SVOP: variants seen among roughly 807,000 people sequenced by gnomAD.
SVOP encodes the protein synaptic vesicle 2-related protein.
SVOP carries 17 observed loss-of-function variants against 69.1 expected under a neutral mutation model. The observed-to-expected ratio is 0.25, with a 90% CI of 0.17 to 0.37. SVOP has a LOEUF of 0.37. SVOP is among the 10% of genes least tolerant of loss of function. SVOP has a pLI of 1.00. For missense variants in SVOP, 435 were observed against 597.5 expected (o/e 0.73, Z 2.84); for synonymous variants, 238 against 238.6 (o/e 1.00, Z 0.02).
chr12:109,018,563 C>T (rs1414809592), intron 1 of SVOP, among the ~76,000 whole-genome samples: 2 of 152,288 alleles, frequency 1.3e-5, no homozygotes, highest in East Asian at 3.9e-4. Context: ...AATCTGCTGC[C>T]TGCAATCTGT....
chr12:108,930,687 G>A (rs2039812022), intron 11 of SVOP, among the ~76,000 whole-genome samples: 2 of 152,114 alleles, frequency 1.3e-5, no homozygotes, highest in African/African-American at 2.4e-5. Context: ...CTCCCACCTC[G>A]GCTCCCAAAG....
At position 108,938,977 on chromosome 12, in the gene SVOP, A is replaced by T. The variant is rs772830213; in HGVS notation, c.769-22T>A. ...GCCACTGGGATGGGGGAGACAGGAA[A>T]CCCAGGCGTGGCTGGTTAGGGTGGA... On this transcript the variant is annotated intron_variant, in intron 8 of 15. Coordinates refer to ENST00000610966, the MANE Select transcript of SVOP (RefSeq NM_018711.5). 37 of 1,613,536 alleles carry T rather than the reference A, an allele frequency of 2.3e-5. No homozygotes were observed. In the Middle Eastern group the frequency reaches 1.2e-3, roughly 50 times the overall value.
At chr12:108,989,004 C>T (rs2040183151) in intron 1 of SVOP, among the ~76,000 whole-genome samples, 1 of 151,984 alleles carries the variant, frequency 6.6e-6, no homozygotes, top group Non-Finnish European at 1.5e-5. Context: ...AACTCCTGAC[C>T]TCAAGTGATC....
At chr12:108,993,337 A>G (rs2040213557) in intron 1 of SVOP, among the ~76,000 whole-genome samples, 1 of 150,052 alleles carries the variant, frequency 6.7e-6, no homozygotes, top group African/African-American at 2.4e-5. Flanking sequence ...GGGAAAAAAA[A>G]GGTTAAAATG....
intron 1 of SVOP, among the ~76,000 whole-genome samples, chr12:109,010,500 G>T (rs1304159802): frequency 6.6e-6 from 1 of 152,112 alleles, no homozygotes; most frequent in African/African-American, 2.4e-5. Context: ...TTGGCCTCCA[G>T]ACTATTGTGG....
intron 6 of SVOP, among the ~76,000 whole-genome samples, chr12:108,946,573 C>T (rs939046643): frequency 6.6e-6 from 1 of 151,814 alleles, no homozygotes; most frequent in Non-Finnish European, 1.5e-5. Flanking sequence ...TATTTTGATG[C>T]TTAGAAGAGC....
In SVOP at chr12:108,937,414, G is replaced by C; in HGVS notation, c.898-77C>G. On this transcript the variant is annotated intron_variant, in intron 9 of 15. Coordinates refer to ENST00000610966, the MANE Select transcript of SVOP (RefSeq NM_018711.5). ...GAGATGGGCTGGTGGCCTGAGACTA[G>C]TGCACACCAGGCTGGGAGGAAGGTT... The C allele has an allele frequency of 2.2e-6, 3 of 1,364,132 alleles. No homozygotes were observed. The South Asian group carries it at 3.5e-5, about 16-fold the overall frequency. The allele number at this position is 1,364,132 out of a possible 1,614,324, so 84.5% of individuals were successfully genotyped here.
intron 1 of SVOP, among the ~76,000 whole-genome samples, chr12:108,996,608 C>T (rs1166926624): frequency 2.6e-5 from 4 of 151,512 alleles, no homozygotes; most frequent in African/African-American, 4.9e-5. Context: ...AACCAGAGGC[C>T]CCAGCAATCC....
chr12:108,976,060 G>T (rs1371754228), intron 4 of SVOP, among the ~76,000 whole-genome samples: 1 of 152,186 alleles, frequency 6.6e-6, no homozygotes, highest in South Asian at 2.1e-4. Flanking sequence ...AAGTATCATG[G>T]ACTCAGCCCC....
chr12:108,986,371 C>T lies in SVOP; in HGVS notation c.36-2610G>A, dbSNP rs148204717. Among the ~76,000 whole-genome samples the T allele has an allele frequency of 3.9e-5, 6 of 152,310 alleles. No individual in the cohort carries two copies. The East Asian group carries it at 9.6e-4, about 24-fold the overall frequency. ...CCTGGCCAATGAGAGGGTAACACCT[C>T]TTCAGACTCTTCCATTGCTTCCCAT... On this transcript the variant is annotated intron_variant, in intron 1 of 15. Coordinates refer to ENST00000610966, the MANE Select transcript of SVOP (RefSeq NM_018711.5).
intron 11 of SVOP, among the ~76,000 whole-genome samples, chr12:108,928,174 G>A (rs1318572240): frequency 1.3e-5 from 2 of 152,120 alleles, no homozygotes; most frequent in African/African-American, 2.4e-5. Flanking sequence ...AAAGTGCTGG[G>A]ATTACAGGTG....
At chr12:109,014,297 G>A (rs2135633602) in intron 1 of SVOP, among the ~76,000 whole-genome samples, 1 of 152,298 alleles carries the variant, frequency 6.6e-6, no homozygotes, top group African/African-American at 2.4e-5. Flanking sequence ...ATACAGGCAT[G>A]AGCCACTGCA....
chr12:108,961,360 A>G (rs1262469493), intron 5 of SVOP, among the ~76,000 whole-genome samples: 1 of 151,470 alleles, frequency 6.6e-6, no homozygotes. Context: ...CCCGACCATC[A>G]TGCAGCTGAA....
intron 11 of SVOP, among the ~76,000 whole-genome samples, chr12:108,925,481 C>G (rs1289204935): frequency 1.3e-5 from 2 of 152,234 alleles, no homozygotes; most frequent in Non-Finnish European, 2.9e-5. Context: ...CAGCCATGGT[C>G]TATTTCCAAC....
intron 1 of SVOP, among the ~76,000 whole-genome samples, chr12:109,010,101 G>T (rs2040332126): frequency 6.8e-6 from 1 of 146,886 alleles, no homozygotes; most frequent in African/African-American, 2.5e-5. Context: ...TCCAGCCTGG[G>T]CAACAGAGAG....
intron 11 of SVOP, among the ~76,000 whole-genome samples, chr12:108,925,132 A>T (rs2137393683): frequency 6.6e-6 from 1 of 152,176 alleles, no homozygotes; most frequent in Non-Finnish European, 1.5e-5. Context: ...CCATGGATTG[A>T]CCTCTGATTT....
intron 1 of SVOP, among the ~76,000 whole-genome samples, chr12:108,994,966 C>A (rs1257660564): frequency 6.6e-6 from 1 of 151,508 alleles, no homozygotes. Flanking sequence ...CATAGTAAGA[C>A]CCTCATCTCA....
At chr12:108,968,148 T>C (rs142818718) in intron 5 of SVOP, among the ~76,000 whole-genome samples, 15 of 152,300 alleles carry the variant, frequency 9.8e-5, no homozygotes, top group African/African-American at 3.6e-4. Context: ...GATAAGAAAG[T>C]AGCAGAGAGT....
At chr12:108,982,159 A>G (rs1186733535) in intron 2 of SVOP, among the ~76,000 whole-genome samples, 2 of 151,770 alleles carry the variant, frequency 1.3e-5, no homozygotes, top group Non-Finnish European at 2.9e-5. Context: ...TGCCAACCTT[A>G]TCATCACCAT....
Sources: gnomAD v4.1 joint callset for allele counts (sites outside exome capture counted in the v4.1 genomes callset) on GRCh38, gnomAD v4.1.1 for gene constraint, MANE v1.5 for transcripts, NCBI Gene and HGNC (gene_info 2026-07-23, HGNC 2026-07-21) for gene names.